The following ABCA9 variants were observed in gnomAD, a reference collection of about 807,000 sequenced individuals.
ABCA9 encodes ATP-binding cassette sub-family A member 9.
ABCA9 carries 183 observed loss-of-function variants against 205.3 expected under a neutral mutation model. The ratio of observed to expected loss-of-function variants is 0.89; its 90% CI spans 0.79 to 1.01. The LOEUF (loss-of-function observed/expected upper bound fraction) is 1.01. Among genes scored for constraint, ABCA9 ranks in the 50% least tolerant of loss-of-function variants. ABCA9 has a pLI of 0.00. For missense variants in ABCA9, 1,805 were observed against 1,912.4 expected (o/e 0.94, Z 1.05); for synonymous variants, 651 against 683.3 (o/e 0.95, Z 0.74).
At chr17:68,992,530 AG>A in intron 27 of ABCA9, 1 of 257,020 alleles carries the variant, frequency 3.9e-6, no homozygotes, top group South Asian at 7.6e-5. Context: ...ATAGGAGTCC[AG>A]GGCCAGGAGC....
rs2070668560 is a variant in ABCA9 at position 69,017,685 on chromosome 17, C to T, written c.2872G>A (p.Gly958Ser). 1.9e-6 allele frequency: 3 copies of T among 1,613,276 alleles called. No homozygotes were observed. The highest frequency in any genetic ancestry group is 1.3e-5 in the African/African-American group (1 of 74,974). The change falls in exon 21 of 39, where the codon GGT (glycine) becomes AGT (serine). Residue 958 changes from glycine to serine, a missense_variant. Gly to Ser is a moderately conservative substitution (Grantham distance 56). Coordinates refer to ENST00000340001, the MANE Select transcript of ABCA9 (RefSeq NM_080283.4). ...RNGTDDPSYN[G>S]AIIVSGDEKD... ...TCATCACCTGACACAATGATAGCAC[C>T]ATTGTAAGATGGGTCATCTGTGCCA...
At chr17:69,048,611 C>A (rs368312971) in intron 3 of ABCA9, among the ~76,000 whole-genome samples, 60 of 152,294 alleles carry the variant, frequency 3.9e-4, no homozygotes, top group African/African-American at 1.3e-3. Flanking sequence ...TCCATACTTA[C>A]TTATTTGGTC....
intron 25 of ABCA9, among the ~76,000 whole-genome samples, chr17:69,002,616 G>A (rs1193339496): frequency 6.6e-6 from 1 of 152,118 alleles, no homozygotes; most frequent in South Asian, 2.1e-4. Flanking sequence ...GGAGAGTTCT[G>A]TAGATGTCTA....
chr17:68,992,807 C>G, intron 27 of ABCA9: 1 of 421,382 alleles, frequency 2.4e-6, no homozygotes, highest in African/African-American at 2.3e-5. Flanking sequence ...GAGTGAAACT[C>G]TGTCTCAAAA....
At chr17:68,992,385 C>T in intron 27 of ABCA9, 119 bp from the exon 28 acceptor site, 1 of 631,550 alleles carries the variant, frequency 1.6e-6, no homozygotes, top group Non-Finnish European at 2.6e-6. Flanking sequence ...TTCATTTTTA[C>T]AAGGCTGAAA....
At chr17:69,054,844 G>A (rs578008253) in intron 1 of ABCA9, among the ~76,000 whole-genome samples, 2 of 152,066 alleles carry the variant, frequency 1.3e-5, no homozygotes, top group East Asian at 1.9e-4. Context: ...TATAAGATAC[G>A]CTACCAATTA....
At chr17:69,000,669 C>T (rs2069828357) in intron 25 of ABCA9, among the ~76,000 whole-genome samples, 1 of 150,804 alleles carries the variant, frequency 6.6e-6, no homozygotes, top group African/African-American at 2.5e-5. Context: ...TGAAGAAAGG[C>T]ATTGGTAGCT....
chr17:69,033,657 A>G, intron 9 of ABCA9, 69 bp downstream of exon 9: 2 of 1,315,046 alleles, frequency 1.5e-6, no homozygotes, highest in East Asian at 4.7e-5. Flanking sequence ...TATTTAGTAC[A>G]TTGTAGAGTT....
intron 16 of ABCA9, among the ~76,000 whole-genome samples, chr17:69,026,151 CA>C (rs1174730165): frequency 6.6e-6 from 1 of 152,062 alleles, no homozygotes; most frequent in Admixed American, 6.6e-5. Context: ...AAATATTTTT[CA>C]AAAATTTTAT....
chr17:69,058,222 G>C (rs761866389), intron 1 of ABCA9, among the ~76,000 whole-genome samples: 10 of 152,124 alleles, frequency 6.6e-5, no homozygotes, highest in Non-Finnish European at 1.5e-4. Flanking sequence ...CACATCAATG[G>C]TATCCTCTTT....
chr17:69,027,867 TGAA>T (rs2071044083), intron 12 of ABCA9, 52 bp from the exon 13 acceptor site: 5 of 1,405,402 alleles, frequency 3.6e-6, no homozygotes, highest in Non-Finnish European at 2.9e-6. Context: ...CATGCTTCAT[TGAA>T]GATCTTTTAA....
intron 16 of ABCA9, 23 bp downstream of exon 16, chr17:69,026,354 G>A (rs555103220): frequency 1.4e-5 from 22 of 1,590,382 alleles, no homozygotes; most frequent in South Asian, 1.2e-4. Flanking sequence ...CTGTCAACAC[G>A]TCTCCAACAT....
intron 32 of ABCA9, among the ~76,000 whole-genome samples, chr17:68,985,723 G>T (rs569426116): frequency 3.5e-4 from 53 of 152,252 alleles, no homozygotes; most frequent in Admixed American, 7.2e-4. Context: ...ATTTTGGGAG[G>T]CCAAGGTGGG....
In ABCA9 at chr17:68,975,367, A is replaced by G. The variant is rs1318127261; in HGVS notation, c.*548T>C. The G allele has an allele frequency of 1.3e-5, 2 of 152,784 alleles. No homozygotes were observed. Among genetic ancestry groups the G allele is most frequent in the African/African-American group, 2.4e-5 (1 of 41,450 alleles). 9.5% of individuals were successfully genotyped at this position (152,784 alleles called of 1,614,324 possible). A position where few individuals can be genotyped will look rare whatever the true frequency, so the allele number is the denominator to read the frequency against. ...GATACAGATTTCAAATTTCCTTTAT[A>G]GGCACAACAGACAAAACATGGACTC... On this transcript the variant is annotated 3_prime_UTR_variant, in exon 39 of 39. Transcript: ENST00000340001.
chr17:69,064,417 G>C (rs186169606), upstream of ABCA9, among the ~76,000 whole-genome samples: 64 of 152,220 alleles, frequency 4.2e-4, 2 homozygotes, highest in Admixed American at 4.1e-3. Context: ...CCATCTTCCT[G>C]CTCCTTATAG....
At chr17:69,036,954 A>G (rs1242678137) in intron 6 of ABCA9, among the ~76,000 whole-genome samples, 1 of 151,688 alleles carries the variant, frequency 6.6e-6, no homozygotes, top group African/African-American at 2.4e-5. Flanking sequence ...ACAAAGATTA[A>G]AAAAAGACAA....
At chr17:69,035,914 GA>G (rs2071321619) in intron 6 of ABCA9, 113 bp from the exon 7 acceptor site, 3 of 1,313,640 alleles carry the variant, frequency 2.3e-6, no homozygotes, top group East Asian at 5.1e-5. Flanking sequence ...TAAAGGAAAA[GA>G]AAATGCAATA....
At position 69,021,700 on chromosome 17, in the gene ABCA9, T is replaced by TTC. The variant is rs754672950; in HGVS notation, c.2401+41_2401+42insGA. 8.3e-4 allele frequency: 1,034 copies of TTC among 1,243,918 alleles called. 10 individuals are homozygous for TTC. In the African/African-American group the frequency reaches 0.018, roughly 21 times the overall value. 77.1% of individuals were successfully genotyped at this position (1,243,918 alleles called of 1,614,324 possible). A position where few individuals can be genotyped will look rare whatever the true frequency, so the allele number is the denominator to read the frequency against. ...TTCGTCCTTCCTTCCTTCCTTCCTT[T>TTC]CTTTCTTTCTCCCTTTCTTTCTCTT... On this transcript the variant is annotated intron_variant, in intron 18 of 38. Transcript: ENST00000340001.
intron 32 of ABCA9, 111 bp downstream of exon 32, chr17:68,986,053 C>T (rs1369124494): frequency 2.8e-6 from 3 of 1,089,496 alleles, no homozygotes; most frequent in Non-Finnish European, 3.8e-6. Flanking sequence ...ACCAAATCTT[C>T]TCCCACAAGC....
Sources: allele counts gnomAD v4.1 joint callset (sites outside exome capture counted in the v4.1 genomes callset), GRCh38; gene constraint gnomAD v4.1.1; transcripts MANE v1.5; gene names NCBI Gene and HGNC (gene_info 2026-07-23, HGNC 2026-07-21).